SLC25A44: variants seen among roughly 807,000 people sequenced by gnomAD.
SLC25A44 encodes solute carrier family 25 member 44.
A neutral mutation model predicts 29.9 loss-of-function variants in SLC25A44; 17 were observed. The ratio of observed to expected loss-of-function variants is 0.57; its 90% CI spans 0.39 to 0.85. The LOEUF is 0.85. SLC25A44 is among the 40% of genes least tolerant of loss of function. The pLI is 0.00. For missense variants in SLC25A44, 302 were observed against 398.4 expected, an observed-to-expected ratio of 0.76 and a Z score of 2.06; for synonymous variants, 140 against 151.8, an observed-to-expected ratio of 0.92 and a Z score of 0.57.
In SLC25A44 at chr1:156,210,231, C is replaced by T. The variant is rs767230634; in HGVS notation, c.754-9C>T. 4 of 1,540,032 alleles carry T rather than the reference C, an allele frequency of 2.6e-6. No individual in the cohort carries two copies. The highest frequency in any genetic ancestry group is 1.8e-6 in the Non-Finnish European group (2 of 1,141,020). ...AGACAATGGCCCTCCACTGTGTTGA[C>T]TTTTCCAGGTTGAGGGCAAGAACTC... On this transcript the variant is annotated splice_polypyrimidine_tract_variant and intron_variant, in intron 3 of 3. Coordinates refer to ENST00000359511, the MANE Select transcript of SLC25A44 (RefSeq NM_014655.4).
chr1:156,208,206 C>T (rs555065130), intron 3 of SLC25A44, among the ~76,000 whole-genome samples, 193 bp downstream of exon 3: 3 of 152,324 alleles, frequency 2.0e-5, no homozygotes, highest in Non-Finnish European at 2.9e-5. Flanking sequence ...CAGTGGCTCA[C>T]GCCTGTAATC....
rs945275758 is a variant in SLC25A44, at chr1:156,200,061, G to A, written c.214G>A (p.Gly72Ser). 1 of 1,614,126 alleles carries A rather than the reference G, an allele frequency of 6.2e-7. No homozygotes were observed. The highest frequency in any genetic ancestry group is 1.3e-5 in the African/African-American group (1 of 75,026). Reference sequence around the variant, plus strand: ...GATCCTGCGAGCAGATGGTATCACTGGCCTCTACCGAGGGTTCCTGGTCAA... The same window carrying A: ...GATCCTGCGAGCAGATGGTATCACTAGCCTCTACCGAGGGTTCCTGGTCAA... ...IKILRADGIT[G>S]LYRGFLVNTF... The change falls in exon 2 of 4, where the codon GGC (glycine) becomes AGC (serine). Residue 72 changes from glycine (G) to serine (S), a missense_variant. Physicochemically the swap from Gly to Ser is moderately conservative, Grantham distance 56 (BLOSUM62 0). Coordinates refer to ENST00000359511, the MANE Select transcript of SLC25A44 (RefSeq NM_014655.4).
Position 156,211,086 on chromosome 1 carries a change from G to GTGTGTGTGTT in SLC25A44, c.*664_*665insTTGTGTGTGT, listed in dbSNP as rs1218056338. On this transcript the variant is annotated 3_prime_UTR_variant, in exon 4 of 4. Transcript: ENST00000359511. ...TGTGTGTGTGTGTGTGTGTGTGTGTGTGTGTGTGTGTGTGTTTTAACATCT... is the reference window on the plus strand; with the variant it reads ...TGTGTGTGTGTGTGTGTGTGTGTGTGTGTGTGTGTTTGTGTGTGTGTGTGTTTTAACATCT... 1 of 152,050 alleles carries GTGTGTGTGTT rather than the reference G, an allele frequency of 6.6e-6. No individual in the cohort carries two copies. Among genetic ancestry groups the GTGTGTGTGTT allele is most frequent in the African/African-American group, 2.5e-5 (1 of 39,434 alleles). 9.4% of individuals were successfully genotyped at this position (152,050 alleles called of 1,614,324 possible).
Position 156,199,696 on chromosome 1 carries a change from T to C in SLC25A44, c.-13-139T>C, listed in dbSNP as rs1221881733. 7.5e-6 allele frequency: 5 copies of C among 662,496 alleles called. No homozygotes were observed. The East Asian group carries it at 1.1e-4, about 14-fold the overall frequency. 41.0% of individuals were successfully genotyped at this position (662,496 alleles called of 1,614,324 possible). A position where few individuals can be genotyped will look rare whatever the true frequency, so the allele number is the denominator to read the frequency against. The stretch of plus-strand genomic sequence containing the variant: ...TCAAGTGGGGATTGACAGAGCCAGA[T>C]TGGGTGGAGTCCAAGCTTTGGGCAG... On this transcript the variant is annotated intron_variant, in intron 1 of 3. Transcript: ENST00000359511.
At chr1:156,205,885 T>C (rs1328149623) in intron 2 of SLC25A44, among the ~76,000 whole-genome samples, 1 of 152,204 alleles carries the variant, frequency 6.6e-6, no homozygotes, top group African/African-American at 2.4e-5. Context: ...ACTCAATAAA[T>C]CTTTGTTGAA....
At chr1:156,209,215 G>C (rs1657141310) in intron 3 of SLC25A44, among the ~76,000 whole-genome samples, 3 of 152,166 alleles carry the variant, frequency 2.0e-5, no homozygotes, top group African/African-American at 2.4e-5. Flanking sequence ...CCTGAGCCTT[G>C]TTCTGGGCGT....
intron 3 of SLC25A44, among the ~76,000 whole-genome samples, chr1:156,209,738 A>C (rs1011905781): frequency 6.6e-6 from 1 of 152,142 alleles, no homozygotes; most frequent in African/African-American, 2.4e-5. Context: ...GATCAGAATC[A>C]AAATCAGACT....
At chr1:156,196,166 G>A (rs1480099992) in intron 1 of SLC25A44, 1 of 152,272 alleles carries the variant, frequency 6.6e-6, no homozygotes, top group Non-Finnish European at 1.5e-5. Flanking sequence ...GAGGAACTTT[G>A]CATACAGGTA....
In SLC25A44 at chr1:156,212,387, T is replaced by C. The variant is rs564330744; in HGVS notation, c.*1956T>C. On this transcript the variant is annotated 3_prime_UTR_variant, in exon 4 of 4. Coordinates refer to ENST00000359511, the MANE Select transcript of SLC25A44 (RefSeq NM_014655.4). ...AGTGTTTCTCCCTCAAGACTTTCCT[T>C]CTGTTTTGTTGTCTTGTGCAGTATT... 5.2e-5 allele frequency: 8 copies of C among 152,528 alleles called. No individual in the cohort carries two copies. Among genetic ancestry groups the C allele is most frequent in the Admixed American group, 2.0e-4 (3 of 15,310 alleles). The allele number at this position is 152,528 out of a possible 1,614,324, so 9.4% of individuals were successfully genotyped here.
rs1657235385 is a variant in SLC25A44 at position 156,210,571 on chromosome 1, TAG to T, written c.*144_*145del. On this transcript the variant is annotated 3_prime_UTR_variant, in exon 4 of 4. Coordinates refer to ENST00000359511, the MANE Select transcript of SLC25A44 (RefSeq NM_014655.4). ...CCAAGTGGCCTATCTGGGATAGGGA[TAG>T]AGACTTTGAACTGCTCTTGCTGAAG... 3.8e-6 allele frequency: 2 copies of T among 522,866 alleles called. No individual in the cohort carries two copies. The highest frequency in any genetic ancestry group is 6.8e-5 in the East Asian group (2 of 29,562). The allele number at this position is 522,866 out of a possible 1,614,324, so 32.4% of individuals were successfully genotyped here.
chr1:156,205,103 G>T (rs1341862926), intron 2 of SLC25A44, among the ~76,000 whole-genome samples: 1 of 151,942 alleles, frequency 6.6e-6, no homozygotes, highest in Non-Finnish European at 1.5e-5. Flanking sequence ...GAATGCAATG[G>T]TGTGATCTTG....
At chr1:156,199,347 C>T (rs1209059510) in intron 1 of SLC25A44, 1 of 160,172 alleles carries the variant, frequency 6.2e-6, no homozygotes, top group Non-Finnish European at 1.4e-5. Flanking sequence ...CAGGAGCCTC[C>T]CAAATGTCAC....
chr1:156,200,530 A>G (rs750530144), intron 2 of SLC25A44, 58 bp downstream of exon 2: 3 of 1,481,756 alleles, frequency 2.0e-6, no homozygotes, highest in Non-Finnish European at 1.8e-6. Context: ...GGGCTGAGAT[A>G]CTGTTGCTTT....
rs1330363604 is a variant in SLC25A44 at position 156,212,004 on chromosome 1, T to G, written c.*1573T>G. ...ACTTCTCTACCTTCACCACCACCAC[T>G]GCCCATCTTGATCTCTTTGAGGGTT... On this transcript the variant is annotated 3_prime_UTR_variant, in exon 4 of 4. Transcript: ENST00000359511. 1 of 152,892 alleles carries G rather than the reference T, an allele frequency of 6.5e-6. No individual in the cohort carries two copies. Among genetic ancestry groups the G allele is most frequent in the Non-Finnish European group, 1.5e-5 (1 of 68,056 alleles). The allele number at this position is 152,892 out of a possible 1,614,324, so 9.5% of individuals were successfully genotyped here.
intron 2 of SLC25A44, among the ~76,000 whole-genome samples, chr1:156,200,678 C>G (rs1214352540): frequency 6.6e-6 from 1 of 151,998 alleles, no homozygotes; most frequent in Non-Finnish European, 1.5e-5. Context: ...GTGAGGGAAG[C>G]AGACAGGTAT....
intron 1 of SLC25A44, chr1:156,199,095 G>A (rs1009206715): frequency 2.0e-5 from 3 of 152,322 alleles, no homozygotes; most frequent in African/African-American, 7.2e-5. Flanking sequence ...GGTGCCCTGT[G>A]GTGTGAAAGC....
rs1176298848 is a variant in SLC25A44, at chr1:156,199,974, A to G, written c.127A>G (p.Thr43Ala). Residue 43 changes from threonine to alanine, a missense_variant, in exon 2 of 4, where the codon ACC (threonine) becomes GCC (alanine). Thr to Ala is a moderately conservative substitution (Grantham distance 58). Coordinates refer to ENST00000359511, the MANE Select transcript of SLC25A44 (RefSeq NM_014655.4). ...TGTCTACCCATTCACCCTCATCCGCACCCGGTTGCAAGTTCAGAAGGGGAA... is the reference window on the plus strand; with the variant it reads ...TGTCTACCCATTCACCCTCATCCGCGCCCGGTTGCAAGTTCAGAAGGGGAA... ...VSVYPFTLIR[T>A]RLQVQKGKSL... 6.2e-7 allele frequency: 1 copy of G among 1,614,032 alleles called. No individual in the cohort carries two copies. The highest frequency in any genetic ancestry group is 8.5e-7 in the Non-Finnish European group (1 of 1,180,002).
In SLC25A44 at chr1:156,212,211, C is replaced by T. The variant is rs1657376733; in HGVS notation, c.*1780C>T. 2.0e-5 allele frequency: 3 copies of T among 152,308 alleles called. No individual in the cohort carries two copies. The highest frequency in any genetic ancestry group is 6.5e-5 in the Admixed American group (1 of 15,270). The allele number at this position is 152,308 out of a possible 1,614,324, so 9.4% of individuals were successfully genotyped here. A position where few individuals can be genotyped will look rare whatever the true frequency, so the allele number is the denominator to read the frequency against. ...ACAAATATAATGGAAGCAGTTCCCC[C>T]CACCCTCACCCCATCTCTTTAAGCT... is the stretch of plus-strand genomic sequence containing the variant. On this transcript the variant is annotated 3_prime_UTR_variant, in exon 4 of 4. Transcript: ENST00000359511.
chr1:156,207,845 G>A (rs1657052474), intron 2 of SLC25A44, 41 bp from the exon 3 acceptor site: 4 of 1,611,618 alleles, frequency 2.5e-6, no homozygotes, highest in Non-Finnish European at 2.5e-6. Context: ...CAGACCGGTG[G>A]TGCTTTGTGT....
Sources: gnomAD v4.1 joint callset for allele counts (sites outside exome capture counted in the v4.1 genomes callset) on GRCh38, gnomAD v4.1.1 for gene constraint, MANE v1.5 for transcripts, NCBI Gene and HGNC (gene_info 2026-07-23, HGNC 2026-07-21) for gene names.